Variants in SPTB observed in about 807,000 individuals in gnomAD.
The protein encoded by SPTB is spectrin beta chain, erythrocytic.
A neutral mutation model predicts 256.2 loss-of-function variants in SPTB; 45 were observed. That is an observed-to-expected ratio of 0.18 (90% CI 0.14 to 0.23). The LOEUF is 0.23. Ranked by LOEUF, SPTB falls within the 10% of genes least tolerant of loss-of-function variation. The pLI is 1.00. For synonymous variants in SPTB, 1,231 were observed against 1,243.1 expected (o/e 0.99, Z 0.21); for missense variants, 2,715 against 3,040.4 (o/e 0.89, Z 2.52).
Position 64,794,634 on chromosome 14 carries a change from C to T in SPTB, c.1645-17G>A. On this transcript the variant is annotated splice_polypyrimidine_tract_variant and intron_variant, in intron 12 of 35. Coordinates refer to ENST00000644917, the MANE Select transcript of SPTB (RefSeq NM_001355436.2). ...GAGGTGAGCCTGGCAAAGAGAACAG[C>T]AGAAAGGAAATGAGGAGAAGTGAAG... 1 of 1,613,990 alleles carries T rather than the reference C, an allele frequency of 6.2e-7. No homozygotes were observed. The highest frequency in any genetic ancestry group is 8.5e-7 in the Non-Finnish European group (1 of 1,179,976).
At chr14:64,819,863 AT>A (rs1399533996) in intron 2 of SPTB, among the ~76,000 whole-genome samples, 1 of 152,218 alleles carries the variant, frequency 6.6e-6, no homozygotes, top group East Asian at 1.9e-4. Context: ...TTCACCTAGC[AT>A]TTTATTATAA....
chr14:64,850,899 A>G (rs749161116), intron 1 of SPTB, among the ~76,000 whole-genome samples: 2 of 152,218 alleles, frequency 1.3e-5, no homozygotes, highest in Non-Finnish European at 2.9e-5. Context: ...CTGAAGGACC[A>G]GCTCATTGCA....
chr14:64,791,096 G>C (rs1252307237), intron 15 of SPTB, among the ~76,000 whole-genome samples: 1 of 152,182 alleles, frequency 6.6e-6, no homozygotes, highest in Non-Finnish European at 1.5e-5. Flanking sequence ...CTGATTCTAA[G>C]TTTGGGCACA....
At position 64,823,086 on chromosome 14, in the gene SPTB, C is replaced by T. The variant is rs757358110; in HGVS notation, c.9G>A (p.Ser3=). 29 of 1,614,018 alleles carry T rather than the reference C, an allele frequency of 1.8e-5. No homozygotes were observed. Among genetic ancestry groups the T allele is most frequent in the South Asian group, 1.8e-4 (16 of 91,080 alleles). The change falls in exon 2 of 36, where the codon TCG becomes TCA. Residue 3 remains serine, a synonymous_variant. Coordinates refer to ENST00000644917, the MANE Select transcript of SPTB (RefSeq NM_001355436.2). The surrounding 1 kb of genome is among the most constrained non-coding windows in gnomAD (Gnocchi z 6.5). MT[S]ATEFENVGNQ... ...TGCCCACATTTTCAAACTCTGTGGC[C>T]GATGTCATGTCAGCAGGCTCTTAGC...
rs1001012535 is a variant in SPTB, at chr14:64,749,557, G to A, written c.6820-84C>T. The A allele has an allele frequency of 2.6e-5, 41 of 1,603,544 alleles. No homozygotes were observed. In the African/African-American group the frequency reaches 4.4e-4, roughly 17 times the overall value. ...CAGGCAACAATGGTGGGGGCTCTTG[G>A]GACTGCCCCTTCTGAGGGGGCCTCC... On this transcript the variant is annotated intron_variant, in intron 35 of 35. Coordinates refer to ENST00000644917, the MANE Select transcript of SPTB (RefSeq NM_001355436.2). The surrounding 1 kb of genome is among the most constrained non-coding windows in gnomAD (Gnocchi z 4.7).
intron 1 of SPTB, among the ~76,000 whole-genome samples, chr14:64,838,363 T>C (rs1030529986): frequency 6.6e-6 from 1 of 152,186 alleles, no homozygotes; most frequent in African/African-American, 2.4e-5. Flanking sequence ...CAAAATATTT[T>C]AAACACTAAA....
Position 64,796,984 on chromosome 14 carries a change from ACCT to A in SPTB, c.1183-272_1183-270del, listed in dbSNP as rs2082782836. Among the ~76,000 whole-genome samples, 1 of 151,942 alleles carries A rather than the reference ACCT, an allele frequency of 6.6e-6. No homozygotes were observed. On this transcript the variant is annotated intron_variant, in intron 10 of 35. Transcript: ENST00000644917. This position sits in a 1 kb window ranked among gnomAD's most constrained non-coding sequence, Gnocchi z 4.1. ...CTCTTGGCCCAAAATAATGTTTTTC[ACCT>A]CTCTGGATGCTCAGTAAGTTCTTAT...
chr14:64,788,101 T>C (rs188160776), intron 15 of SPTB, among the ~76,000 whole-genome samples: 1 of 152,304 alleles, frequency 6.6e-6, no homozygotes, highest in Non-Finnish European at 1.5e-5. Context: ...GCATAAAGTT[T>C]CATGTGCACA....
At chr14:64,789,334 GGAGT>G (rs2082629016) in intron 15 of SPTB, among the ~76,000 whole-genome samples, 2 of 152,140 alleles carry the variant, frequency 1.3e-5, no homozygotes, top group Admixed American at 6.5e-5. Flanking sequence ...CCTGGGTAAT[GGAGT>G]GAGATTCTGT....
chr14:64,784,830 G>A (rs143405296), intron 18 of SPTB, among the ~76,000 whole-genome samples: 11 of 152,344 alleles, frequency 7.2e-5, no homozygotes, highest in African/African-American at 2.6e-4. Flanking sequence ...AAACAAAGTT[G>A]TCTGGGCTGA....
In SPTB at chr14:64,759,785, G is replaced by A. The variant is rs888702885; in HGVS notation, c.6346-5992C>T. Among the ~76,000 whole-genome samples the A allele has an allele frequency of 3.3e-5, 5 of 152,238 alleles. No homozygotes were observed. Among genetic ancestry groups the A allele is most frequent in the African/African-American group, 1.2e-4 (5 of 41,464 alleles). ...CCACTGAGGGCTGCCACCCACCGGA[G>A]CAGGGGACACTCTGAAGGAAGAGAG... is the stretch of plus-strand genomic sequence containing the variant. On this transcript the variant is annotated intron_variant, in intron 32 of 35. Transcript: ENST00000644917. The surrounding 1 kb of genome is among the most constrained non-coding windows in gnomAD (Gnocchi z 4.8).
At chr14:64,808,303 T>C (rs2083023896) in intron 2 of SPTB, among the ~76,000 whole-genome samples, 2 of 152,134 alleles carry the variant, frequency 1.3e-5, no homozygotes, top group Admixed American at 1.3e-4. Flanking sequence ...TGAGCCACCG[T>C]GCATGGCCCT....
rs1323954872 is a variant in SPTB, at chr14:64,774,464, A to T, written c.4906T>A (p.Tyr1636Asn). The T allele has an allele frequency of 2.6e-6, 4 of 1,562,048 alleles. No homozygotes were observed. The Admixed American group carries it at 7.6e-5, about 30-fold the overall frequency. The change falls in exon 24 of 36, where the codon TAC becomes AAC. Residue 1636 changes from tyrosine (Y) to asparagine (N), a missense_variant. Tyr to Asn is a moderately radical substitution (Grantham distance 143, BLOSUM62 -2). Transcript: ENST00000644917. Reference protein sequence around the residue: ...HLRQQRAVEDYGRNIKQLASR... With the variant: ...HLRQQRAVEDNGRNIKQLASR... ...GCCAGCTGCTTGATGTTCCGGCCGT[A>T]GTCCTCCACCGCACGCTGCTGCCGC...
In SPTB at chr14:64,774,530, AG is replaced by A. The variant is rs2082328734; in HGVS notation, c.4843-4del. On this transcript the variant is annotated splice_region_variant and splice_polypyrimidine_tract_variant and intron_variant, in intron 23 of 35. Coordinates refer to ENST00000644917, the MANE Select transcript of SPTB (RefSeq NM_001355436.2). ...ATCACAATGGCGCCCTCTTCATCCT[AG>A]GAGGCAGCAGACGGTCAGCGCCAGA... 2.6e-6 allele frequency: 4 copies of A among 1,552,794 alleles called. No individual in the cohort carries two copies. The highest frequency in any genetic ancestry group is 2.6e-6 in the Non-Finnish European group (3 of 1,147,778).
chr14:64,797,956 AT>A (rs1352511499), intron 9 of SPTB, 110 bp from the exon 10 acceptor site: 2 of 806,340 alleles, frequency 2.5e-6, no homozygotes, highest in Admixed American at 3.4e-5. Flanking sequence ...AGCAAAGCAT[AT>A]TTCCCTTAAA....
chr14:64,877,587 G>C (rs780346054), intron 1 of SPTB, among the ~76,000 whole-genome samples: 6 of 152,188 alleles, frequency 3.9e-5, no homozygotes, highest in Non-Finnish European at 7.3e-5. Flanking sequence ...ATAATATAGA[G>C]AAAACGCTGA....
At chr14:64,754,345 G>A in intron 32 of SPTB, 1 of 196,064 alleles carries the variant, frequency 5.1e-6, no homozygotes, top group Non-Finnish European at 1.1e-5. Context: ...ACCTTACAAA[G>A]GGAGAACCCA....
At chr14:64,830,012 C>A (rs8017631) in intron 1 of SPTB, among the ~76,000 whole-genome samples, 14,068 of 152,190 alleles carry the variant, frequency 0.092, 1,441 homozygotes, top group African/African-American at 0.24. Flanking sequence ...TTCCTCAGAT[C>A]TCTTCTCAGA....
Position 64,775,033 on chromosome 14 carries a change from C to T in SPTB, c.4842+92G>A, listed in dbSNP as rs937058244. On this transcript the variant is annotated intron_variant, in intron 23 of 35. Coordinates refer to ENST00000644917, the MANE Select transcript of SPTB (RefSeq NM_001355436.2). The surrounding 1 kb of genome is among the most constrained non-coding windows in gnomAD (Gnocchi z 5.0). ...CCCTCCCCTGGCCTCACTCCTCACA[C>T]AGTTGGACTCACAAGGCTCCCTACC... 6 of 1,581,724 alleles carry T rather than the reference C, an allele frequency of 3.8e-6. No homozygotes were observed. The highest frequency in any genetic ancestry group is 5.2e-6 in the Non-Finnish European group (6 of 1,154,688).
Sources: gnomAD v4.1 joint callset for allele counts (sites outside exome capture counted in the v4.1 genomes callset) on GRCh38, gnomAD v4.1.1 for gene constraint, Gnocchi (gnomAD v3.1) non-coding constraint, MANE v1.5 for transcripts, NCBI Gene and HGNC (gene_info 2026-07-23, HGNC 2026-07-21) for gene names.